The following PARP12 variants were observed in gnomAD, a reference collection of about 807,000 sequenced individuals.
PARP12 encodes the protein poly(ADP-ribose) polymerase family member 12.
In PARP12, 59 loss-of-function variants were observed where a neutral mutation model predicts 72.4. The observed-to-expected ratio is 0.81, with a 90% CI of 0.66 to 1.01. PARP12 has a LOEUF of 1.01. Ranked by LOEUF, PARP12 falls within the 50% of genes least tolerant of loss-of-function variation. The pLI, the probability that PARP12 is intolerant of heterozygous loss-of-function variation, is 0.00. For missense variants in PARP12, 851 were observed against 914.0 expected, an observed-to-expected ratio of 0.93 and a Z score of 0.89; for synonymous variants, 403 against 371.4, an observed-to-expected ratio of 1.09 and a Z score of -0.98.
intron 11 of PARP12, 119 bp from the exon 12 acceptor site, chr7:140,025,004 T>TCTCC: frequency 2.4e-6 from 2 of 833,618 alleles, no homozygotes; most frequent in Non-Finnish European, 3.8e-6. Flanking sequence ...CCACCCCGCA[T>TCTCC]CTCCCTCCCT....
chr7:140,056,788 A>G (rs1817196342), intron 3 of PARP12, 68 bp downstream of exon 3: 15 of 1,446,794 alleles, frequency 1.0e-5, no homozygotes, highest in Non-Finnish European at 1.3e-5. Context: ...GCTAGCTGGA[A>G]TCCGGGAACC....
chr7:140,026,071 C>T (rs1309351186), intron 11 of PARP12, 126 bp downstream of exon 11: 3 of 1,381,228 alleles, frequency 2.2e-6, no homozygotes, highest in African/African-American at 2.8e-5. Context: ...TGCCCAGGTA[C>T]CACCACACAT....
chr7:140,030,074 C>A (rs1420833436), intron 8 of PARP12, among the ~76,000 whole-genome samples: 3 of 152,168 alleles, frequency 2.0e-5, no homozygotes, highest in Non-Finnish European at 2.9e-5. Context: ...CTTAGATACA[C>A]TTTAGTGAGG....
Position 140,049,250 on chromosome 7 carries a change from C to G in PARP12, c.863-2243G>C, listed in dbSNP as rs578000806. 1.2e-4 allele frequency among the ~76,000 whole-genome samples: 18 copies of G among 152,222 alleles called. 1 individual carries two copies. Among genetic ancestry groups the G allele is most frequent in the African/African-American group, 4.1e-4 (17 of 41,524 alleles). ...TGGGGACACCCAAGCAAGGAAACTC[C>G]TCTAAGTGCAACAAGGCTGAAAACA... On this transcript the variant is annotated intron_variant, in intron 4 of 11. Coordinates refer to ENST00000263549, the MANE Select transcript of PARP12 (RefSeq NM_022750.4).
At chr7:140,062,461 T>G in intron 1 of PARP12, 61 bp downstream of exon 1, 1 of 1,463,928 alleles carries the variant, frequency 6.8e-7, no homozygotes. Flanking sequence ...CCAAGCGGGC[T>G]GGAAGTGCGT....
chr7:140,038,247 T>C, intron 6 of PARP12: 1 of 985,466 alleles, frequency 1.0e-6, no homozygotes, highest in Non-Finnish European at 1.2e-6. Context: ...ACCCGTCTAT[T>C]CACGTTGCAA....
In PARP12 at chr7:140,027,219, A is replaced by T; in HGVS notation, c.1628+57T>A. On this transcript the variant is annotated intron_variant, in intron 10 of 11. Coordinates refer to ENST00000263549, the MANE Select transcript of PARP12 (RefSeq NM_022750.4). Reference sequence around the variant, plus strand: ...GAAACCCGGGCCACATGTGGCAACCAGCCAGTGGTGTGAAGGGACAGAGTC... The same window carrying T: ...GAAACCCGGGCCACATGTGGCAACCTGCCAGTGGTGTGAAGGGACAGAGTC... 4 of 1,587,524 alleles carry T rather than the reference A, an allele frequency of 2.5e-6. No individual in the cohort carries two copies. In the East Asian group the frequency reaches 9.1e-5, roughly 36 times the overall value.
At position 140,042,172 on chromosome 7, in the gene PARP12, T is replaced by TAG. The variant is rs569803035; in HGVS notation, c.987-334_987-333insCT. Among the ~76,000 whole-genome samples the TAG allele has an allele frequency of 1.0e-3, 153 of 152,318 alleles. 2 individuals are homozygous for TAG. The highest frequency in any genetic ancestry group is 3.4e-3 in the African/African-American group (141 of 41,572). ...AAGCCAAAAATAACAATAGTTAACA[T>TAG]ATACTGAGTGTTTACTGTGTGAGCC... On this transcript the variant is annotated intron_variant, in intron 5 of 11. Transcript: ENST00000263549.
Position 140,062,932 on chromosome 7 carries a change from T to G in PARP12, c.-85A>C, listed in dbSNP as rs905362600. On this transcript the variant is annotated 5_prime_UTR_variant, in exon 1 of 12. Transcript: ENST00000263549. Reference sequence around the variant, plus strand: ...TGGCTGGCGGGCGGCTCTCGCAGGGTGGAGACGCCGGCGGGAAACGAAACC... The same window carrying G: ...TGGCTGGCGGGCGGCTCTCGCAGGGGGGAGACGCCGGCGGGAAACGAAACC... The G allele has an allele frequency of 9.1e-7, 1 of 1,100,390 alleles. No individual in the cohort carries two copies. The highest frequency in any genetic ancestry group is 1.1e-6 in the Non-Finnish European group (1 of 879,738). The allele number at this position is 1,100,390 out of a possible 1,614,324, so 68.2% of individuals were successfully genotyped here. A position where few individuals can be genotyped will look rare whatever the true frequency, so the allele number is the denominator to read the frequency against.
At chr7:140,043,573 G>A (rs895271929) in intron 5 of PARP12, among the ~76,000 whole-genome samples, 6 of 151,776 alleles carry the variant, frequency 4.0e-5, no homozygotes, top group Non-Finnish European at 7.4e-5. Context: ...TGTCACCCAG[G>A]CTGGAGTGCA....
chr7:140,039,019 C>CCAAG (rs1342855311), intron 6 of PARP12, among the ~76,000 whole-genome samples: 1 of 152,176 alleles, frequency 6.6e-6, no homozygotes, highest in East Asian at 1.9e-4. Context: ...GATGCCTGAG[C>CCAAG]CAAGGCCCAA....
Position 140,062,516 on chromosome 7 carries a change from C to G in PARP12, c.326+6G>C. ...GCCCGCCGTCGCTCCCGGCGCGGCG[C>G]CTTACCCGGCTCTCAGGAACTTGCA... On this transcript the variant is annotated splice_donor_region_variant and intron_variant, in intron 1 of 11. Coordinates refer to ENST00000263549, the MANE Select transcript of PARP12 (RefSeq NM_022750.4). The G allele has an allele frequency of 1.3e-6, 2 of 1,541,646 alleles. No individual in the cohort carries two copies. Among genetic ancestry groups the G allele is most frequent in the Non-Finnish European group, 1.7e-6 (2 of 1,148,524 alleles).
At position 140,062,723 on chromosome 7, in the gene PARP12, AGCCGCTCCAGCGCGTC is replaced by A; in HGVS notation, c.109_124del (p.Asp37CysfsTer65). The A allele has an allele frequency of 1.5e-6, 2 of 1,354,202 alleles. No individual in the cohort carries two copies. Among genetic ancestry groups the A allele is most frequent in the Non-Finnish European group, 1.9e-6 (2 of 1,046,732 alleles). The allele number at this position is 1,354,202 out of a possible 1,614,324, so 83.9% of individuals were successfully genotyped here. A position where few individuals can be genotyped will look rare whatever the true frequency, so the allele number is the denominator to read the frequency against. ...CACGAAGCGCCCACGCTGCCGCAGCAGCCGCTCCAGCGCGTCGGCGCTCAAGCCCATCCGCAAGCGG... is the reference window on the plus strand; with the variant it reads ...CACGAAGCGCCCACGCTGCCGCAGCAGGCGCTCAAGCCCATCCGCAAGCGG... On this transcript the variant is annotated frameshift_variant, in exon 1 of 12. Transcript: ENST00000263549. LOFTEE classifies it high-confidence loss of function.
intron 4 of PARP12, among the ~76,000 whole-genome samples, chr7:140,052,772 A>G (rs1163711683): frequency 2.4e-5 from 3 of 126,438 alleles, no homozygotes; most frequent in African/African-American, 6.6e-5. Context: ...GTGTGTGTAA[A>G]GCTGTTATAT....
At chr7:140,053,829 G>T (rs920309989) in intron 4 of PARP12, among the ~76,000 whole-genome samples, 2 of 152,156 alleles carry the variant, frequency 1.3e-5, no homozygotes, top group African/African-American at 4.8e-5. Flanking sequence ...TTAAGATGCA[G>T]ATTGAATAAT....
At chr7:140,040,693 T>G (rs1585095390) in intron 6 of PARP12, among the ~76,000 whole-genome samples, 1 of 152,212 alleles carries the variant, frequency 6.6e-6, no homozygotes, top group East Asian at 1.9e-4. Context: ...ATATAGCCTC[T>G]TGAAACCCAG....
At chr7:140,052,002 G>A (rs1319389130) in intron 4 of PARP12, among the ~76,000 whole-genome samples, 2 of 152,174 alleles carry the variant, frequency 1.3e-5, no homozygotes, top group Non-Finnish European at 2.9e-5. Context: ...TTCTGCTCCT[G>A]ATCACTTCTG....
intron 8 of PARP12, chr7:140,033,141 C>A (rs1816014251): frequency 1.0e-6 from 1 of 971,774 alleles, no homozygotes; most frequent in East Asian, 1.1e-4. Context: ...AATCTACCCG[C>A]CTCGGCCTCT....
intron 11 of PARP12, chr7:140,025,198 A>T (rs1815684877): frequency 5.5e-6 from 2 of 363,432 alleles, no homozygotes; most frequent in Non-Finnish European, 1.0e-5. Flanking sequence ...CCCAAACCTC[A>T]GATTCCTCAG....
Sources: allele counts gnomAD v4.1 joint callset (sites outside exome capture counted in the v4.1 genomes callset), GRCh38; gene constraint gnomAD v4.1.1; transcripts MANE v1.5; gene names NCBI Gene and HGNC (gene_info 2026-07-23, HGNC 2026-07-21).